The following NFIC variants were observed in gnomAD, a reference collection of about 807,000 sequenced individuals.
NFIC encodes the protein nuclear factor 1 C-type.
A neutral mutation model predicts 54.4 loss-of-function variants in NFIC; 12 were observed. That is an observed-to-expected ratio of 0.22 (90% confidence interval 0.14 to 0.36). The LOEUF (loss-of-function observed/expected upper bound fraction) is 0.36, where lower values mean the gene tolerates loss of function less well. Among genes scored for constraint, NFIC ranks in the 10% least tolerant of loss-of-function variants. The pLI is 1.00. For missense variants in NFIC, 575 were observed against 718.2 expected, an observed-to-expected ratio of 0.80 and a Z score of 2.28; for synonymous variants, 322 against 319.2, an observed-to-expected ratio of 1.01 and a Z score of -0.09.
Position 3,452,655 on chromosome 19 carries a change from C to G in NFIC, c.1258C>G (p.Gln420Glu). The change falls in exon 8 of 11, where the codon CAA becomes GAA. Residue 420 changes from glutamine (Q) to glutamate (E), a missense_variant. By Grantham distance (29) the Gln-to-Glu change is conservative. This residue lies in a region of NFIC where 447 missense variants were observed against 526.9 expected (regional missense o/e 0.85). Transcript: ENST00000443272. The surrounding 1 kb of genome is among the most constrained non-coding windows in gnomAD (Gnocchi z 5.3). ...GCTGGCCTGCGACCCAGCCAGCCAGCAACCTGGACCGGTGAGTTGGGCGGG... is the reference window on the plus strand; with the variant it reads ...GCTGGCCTGCGACCCAGCCAGCCAGGAACCTGGACCGGTGAGTTGGGCGGG... ...VSLACDPASQ[Q>E]PGPLNGSGQL... 1 of 1,606,606 alleles carries G rather than the reference C, an allele frequency of 6.2e-7. No homozygotes were observed. The highest frequency in any genetic ancestry group is 8.5e-7 in the Non-Finnish European group (1 of 1,176,734).
chr19:3,457,358 G>A (rs899956343), intron 10 of NFIC, among the ~76,000 whole-genome samples: 10 of 152,198 alleles, frequency 6.6e-5, no homozygotes, highest in African/African-American at 2.4e-4. Flanking sequence ...CTCAGAGAGG[G>A]GAAGTCAATT....
chr19:3,375,285 C>G lies in NFIC; in HGVS notation c.31-6427C>G, dbSNP rs2081086427. On this transcript the variant is annotated intron_variant, in intron 1 of 10. Transcript: ENST00000443272. This position sits in a 1 kb window ranked among gnomAD's most constrained non-coding sequence, Gnocchi z 4.6. Reference sequence around the variant, plus strand: ...CACGGCCCCAGCTGGACAACATTGTCCGGGCCTCCTGCCCGCCTGGCATCT... The same window carrying G: ...CACGGCCCCAGCTGGACAACATTGTGCGGGCCTCCTGCCCGCCTGGCATCT... Among the ~76,000 whole-genome samples, 1 of 152,176 alleles carries G rather than the reference C, an allele frequency of 6.6e-6. No individual in the cohort carries two copies. The highest frequency in any genetic ancestry group is 2.1e-4 in the South Asian group (1 of 4,830).
At chr19:3,404,605 CACCCA>C (rs910953670) in intron 2 of NFIC, among the ~76,000 whole-genome samples, 4 of 152,148 alleles carry the variant, frequency 2.6e-5, no homozygotes, top group Non-Finnish European at 4.4e-5. Flanking sequence ...ACCCCCACCC[CACCCA>C]GGAGGGCAGG....
chr19:3,403,153 G>A (rs1283341317), intron 2 of NFIC, among the ~76,000 whole-genome samples: 4 of 152,180 alleles, frequency 2.6e-5, no homozygotes, highest in Admixed American at 6.6e-5. Context: ...TTGAGTGCCA[G>A]CTGTGTAAAA....
rs1555744611 is a variant in NFIC at position 3,394,519 on chromosome 19, A to ACACCCCCCC, written c.562+12277_562+12278insACCCCCCCC. Among the ~76,000 whole-genome samples, 3 of 47,312 alleles carry ACACCCCCCC rather than the reference A, an allele frequency of 6.3e-5. 1 individual carries two copies. The highest frequency in any genetic ancestry group is 2.7e-4 in the African/African-American group (2 of 7,318). 31.0% of individuals were successfully genotyped at this position (47,312 alleles called of 152,430 possible). A position where few individuals can be genotyped will look rare whatever the true frequency, so the allele number is the denominator to read the frequency against. On this transcript the variant is annotated intron_variant, in intron 2 of 10. Coordinates refer to ENST00000443272, the MANE Select transcript of NFIC (RefSeq NM_001245002.2). ...CGAGGTATTTTATGATCTTTTCCCC[A>ACACCCCCCC]CCCACCCCCCACCCGCTTACACTAA...
chr19:3,421,472 G>A (rs6510746), intron 2 of NFIC, among the ~76,000 whole-genome samples: 137,728 of 152,344 alleles, frequency 0.9, 62,366 homozygotes, highest in Non-Finnish European at 0.93. Context: ...GCCTGGGATC[G>A]GCTGCAGGGC....
intron 2 of NFIC, among the ~76,000 whole-genome samples, chr19:3,416,708 G>C (rs2081860399): frequency 6.6e-6 from 1 of 151,192 alleles, no homozygotes. Context: ...ATTTTTAGTA[G>C]AGACGGGGTT....
chr19:3,435,033 C>A (rs778015462), intron 5 of NFIC, 50 bp from the exon 6 acceptor site: 11 of 1,511,380 alleles, frequency 7.3e-6, no homozygotes, highest in African/African-American at 2.8e-5. Context: ...TCGCGCCCCC[C>A]GCCCCGCGTC....
intron 2 of NFIC, among the ~76,000 whole-genome samples, chr19:3,416,170 A>G (rs953944697): frequency 6.6e-6 from 1 of 151,458 alleles, no homozygotes; most frequent in Non-Finnish European, 1.5e-5. Context: ...CTCAAAAAAA[A>G]AAAAAAAATC....
chr19:3,445,460 G>A (rs1451870320), intron 6 of NFIC, among the ~76,000 whole-genome samples: 1 of 152,166 alleles, frequency 6.6e-6, no homozygotes, highest in African/African-American at 2.4e-5. Flanking sequence ...CTGGGCATGA[G>A]TGGAGGTGTC....
rs1374922442 is a variant in NFIC, at chr19:3,371,902, TC to T, written c.30+5238del. On this transcript the variant is annotated intron_variant, in intron 1 of 10. Coordinates refer to ENST00000443272, the MANE Select transcript of NFIC (RefSeq NM_001245002.2). ...CTCTCTCCTTCCTTCCTTCCTTCCT[TC>T]CTTCCTTCCTTCCTTCCTTCCTTCC... 2.4e-3 allele frequency among the ~76,000 whole-genome samples: 295 copies of T among 123,568 alleles called. 7 individuals carry two copies. Among genetic ancestry groups the T allele is most frequent in the Middle Eastern group, 7.2e-3 (2 of 276 alleles). The allele number at this position is 123,568 out of a possible 152,430, so 81.1% of individuals were successfully genotyped here. A position where few individuals can be genotyped will look rare whatever the true frequency, so the allele number is the denominator to read the frequency against.
chr19:3,429,249 T>C (rs28409082), intron 3 of NFIC, among the ~76,000 whole-genome samples: 8 of 27,116 alleles, frequency 3.0e-4, no homozygotes, highest in Admixed American at 4.8e-4. Context: ...AAAAAAAAAA[T>C]ATATACACAC....
upstream of NFIC, chr19:3,366,447 G>A (rs2080884075): frequency 2.0e-6 from 1 of 504,074 alleles, no homozygotes; most frequent in East Asian, 3.6e-5. Flanking sequence ...CAGAGAGCGA[G>A]GCGGGCGGCG....
At chr19:3,460,184 T>G (rs77390514) in intron 10 of NFIC, among the ~76,000 whole-genome samples, 15,638 of 152,254 alleles carry the variant, frequency 0.1, 1,001 homozygotes, top group South Asian at 0.26. Flanking sequence ...TTAGTGAGCT[T>G]CTGTGGAGCA....
At chr19:3,462,559 C>G (rs1017995538) in intron 10 of NFIC, among the ~76,000 whole-genome samples, 193 bp from the exon 11 acceptor site, 1 of 152,138 alleles carries the variant, frequency 6.6e-6, no homozygotes, top group Non-Finnish European at 1.5e-5. Flanking sequence ...AAGCCTCCCT[C>G]AGAGACAAAG....
chr19:3,405,277 C>A (rs1307528422), intron 2 of NFIC, among the ~76,000 whole-genome samples: 1 of 152,108 alleles, frequency 6.6e-6, no homozygotes, highest in Non-Finnish European at 1.5e-5. Flanking sequence ...GCCTCTCGGG[C>A]CCCCCCAGGT....
rs541800437 is a variant in NFIC at position 3,459,810 on chromosome 19, G to A, written c.1510-2942G>A. On this transcript the variant is annotated intron_variant, in intron 10 of 10. Transcript: ENST00000443272. This position sits in a 1 kb window ranked among gnomAD's most constrained non-coding sequence, Gnocchi z 4.2. ...TGAACTTGGCTGGAGGTGGGGCGCTGGGAACCACTGTGGCGCCAGTTCCAT... is the reference window on the plus strand; with the variant it reads ...TGAACTTGGCTGGAGGTGGGGCGCTAGGAACCACTGTGGCGCCAGTTCCAT... 6.6e-6 allele frequency among the ~76,000 whole-genome samples: 1 copy of A among 152,374 alleles called. No individual in the cohort carries two copies. Among genetic ancestry groups the A allele is most frequent in the South Asian group, 2.1e-4 (1 of 4,828 alleles).
chr19:3,427,284 C>T (rs1277929027), intron 3 of NFIC, among the ~76,000 whole-genome samples: 1 of 152,078 alleles, frequency 6.6e-6, no homozygotes, highest in Non-Finnish European at 1.5e-5. Context: ...TAGTGATTGC[C>T]TATGGATTTG....
At position 3,464,781 on chromosome 19, in the gene NFIC, C is replaced by T; in HGVS notation, c.*2012C>T. The T allele has an allele frequency of 1.1e-6, 1 of 911,590 alleles. No individual in the cohort carries two copies. The highest frequency in any genetic ancestry group is 1.3e-6 in the Non-Finnish European group (1 of 762,512). The allele number at this position is 911,590 out of a possible 1,614,324, so 56.5% of individuals were successfully genotyped here. ...CAAGAGAGGTTCGCCATCCTCTGGC[C>T]TCGAGCCCTTGGTCCCTCCGTCCGT... On this transcript the variant is annotated 3_prime_UTR_variant, in exon 11 of 11. Coordinates refer to ENST00000443272, the MANE Select transcript of NFIC (RefSeq NM_001245002.2).
Sources: gnomAD v4.1 joint callset for allele counts (sites outside exome capture counted in the v4.1 genomes callset) on GRCh38, gnomAD v4.1.1 for gene constraint, gnomAD v4.1.1 regional missense constraint, Gnocchi (gnomAD v3.1) non-coding constraint, MANE v1.5 for transcripts, NCBI Gene and HGNC (gene_info 2026-07-23, HGNC 2026-07-21) for gene names.